The following GRIP2 variants were observed in gnomAD, a reference collection of about 807,000 sequenced individuals.
GRIP2 encodes the protein glutamate receptor-interacting protein 2.
GRIP2 carries 58 observed loss-of-function variants against 108.3 expected under a neutral mutation model. That is an observed-to-expected ratio of 0.54 (90% CI 0.43 to 0.67). The LOEUF is 0.67. Ranked by LOEUF, GRIP2 falls within the 30% of genes least tolerant of loss-of-function variation. The pLI, the probability that GRIP2 is intolerant of heterozygous loss-of-function variation, is 0.00. For missense variants in GRIP2, 1,278 were observed against 1,430.6 expected, an observed-to-expected ratio of 0.89 and a Z score of 1.72; for synonymous variants, 586 against 598.2, an observed-to-expected ratio of 0.98 and a Z score of 0.30.
intron 17 of GRIP2, among the ~76,000 whole-genome samples, chr3:14,509,278 G>T (rs1341488393): frequency 6.6e-6 from 1 of 152,216 alleles, no homozygotes; most frequent in African/African-American, 2.4e-5. Context: ...ATTCATCCCT[G>T]CCCAGCTCGG....
chr3:14,568,783 C>T, the GRIP2 span, among the ~76,000 whole-genome samples: 1 of 152,200 alleles, frequency 6.6e-6, no homozygotes, highest in African/African-American at 2.4e-5. Context: ...TGTATTCCAG[C>T]TTTCTGGACC....
the GRIP2 span, among the ~76,000 whole-genome samples, chr3:14,579,535 G>A: frequency 6.6e-6 from 1 of 152,154 alleles, no homozygotes; most frequent in Non-Finnish European, 1.5e-5. Context: ...TCACAGGTGG[G>A]AGGCATTGTG....
intron 5 of GRIP2, chr3:14,523,356 A>G: frequency 1.7e-6 from 1 of 575,042 alleles, no homozygotes; most frequent in Non-Finnish European, 3.1e-6. Context: ...AGGAAGCTCC[A>G]GACTTTGTTC....
chr3:14,523,389 C>T, intron 5 of GRIP2: 1 of 582,666 alleles, frequency 1.7e-6, no homozygotes, highest in South Asian at 2.2e-5. Flanking sequence ...GCAGCTTTCA[C>T]CATCATTTTC....
rs182171457 is a variant in GRIP2 at position 14,511,672 on chromosome 3, G to A, written c.1721-193C>T. Among the ~76,000 whole-genome samples the A allele has an allele frequency of 8.5e-5, 13 of 152,326 alleles. No homozygotes were observed. Among genetic ancestry groups the A allele is most frequent in the African/African-American group, 3.1e-4 (13 of 41,566 alleles). ...ATCAGTTTCCCCCCTGTAAAATGGG[G>A]GTGGCACCGCAGACCTCATGGGGAT... On this transcript the variant is annotated intron_variant, in intron 14 of 23. Transcript: ENST00000621039. The surrounding 1 kb of genome is among the most constrained non-coding windows in gnomAD (Gnocchi z 4.1).
chr3:14,549,881 T>A (rs1695116703), intron 1 of GRIP2, among the ~76,000 whole-genome samples: 1 of 152,166 alleles, frequency 6.6e-6, no homozygotes, highest in African/African-American at 2.4e-5. Context: ...GACGTGGTGA[T>A]CACCAGATTC....
rs892852659 is a variant in GRIP2 at position 14,505,163 on chromosome 3, C to G, written c.2573+452G>C. On this transcript the variant is annotated intron_variant, in intron 20 of 23. Coordinates refer to ENST00000621039, the MANE Select transcript of GRIP2 (RefSeq NM_001080423.4). This position sits in a 1 kb window ranked among gnomAD's most constrained non-coding sequence, Gnocchi z 4.2. ...ACCACGATGGGAGGGTGGCCTGGGC[C>G]AGATGAGGAACAGCATTTCTCCACA... 1.3e-5 allele frequency among the ~76,000 whole-genome samples: 2 copies of G among 152,148 alleles called. No homozygotes were observed. Among genetic ancestry groups the G allele is most frequent in the African/African-American group, 4.8e-5 (2 of 41,444 alleles).
chr3:14,510,467 G>A (rs1434347447), intron 16 of GRIP2, among the ~76,000 whole-genome samples: 1 of 151,942 alleles, frequency 6.6e-6, no homozygotes, highest in Non-Finnish European at 1.5e-5. Context: ...GTTTCGCCAT[G>A]TTGCCCAGGC....
chr3:14,534,580 C>T (rs1350939468), intron 1 of GRIP2, among the ~76,000 whole-genome samples: 1 of 151,978 alleles, frequency 6.6e-6, no homozygotes, highest in Non-Finnish European at 1.5e-5. Context: ...TGAGCTTTTG[C>T]CTTCAGTCAA....
At chr3:14,534,389 C>T (rs1439584109) in intron 1 of GRIP2, among the ~76,000 whole-genome samples, 1 of 152,184 alleles carries the variant, frequency 6.6e-6, no homozygotes, top group African/African-American at 2.4e-5. Context: ...AGAGAACATG[C>T]TTGCTCTCTC....
chr3:14,548,779 C>T (rs150918155), intron 1 of GRIP2, among the ~76,000 whole-genome samples: 292 of 152,262 alleles, frequency 1.9e-3, no homozygotes, highest in African/African-American at 6.9e-3. Context: ...AAACTGAGGT[C>T]GAGAGAGGGG....
At chr3:14,517,665 C>G in intron 10 of GRIP2, 107 bp downstream of exon 10, 1 of 1,414,382 alleles carries the variant, frequency 7.1e-7, no homozygotes, top group Non-Finnish European at 9.7e-7. Flanking sequence ...CCACACCCAG[C>G]TCACTAATCT....
At position 14,521,547 on chromosome 3, in the gene GRIP2, A is replaced by G; in HGVS notation, c.712+95T>C. 7.5e-7 allele frequency: 1 copy of G among 1,339,258 alleles called. No homozygotes were observed. The highest frequency in any genetic ancestry group is 1.0e-6 in the Non-Finnish European group (1 of 989,052). 83.0% of individuals were successfully genotyped at this position (1,339,258 alleles called of 1,614,324 possible). A position where few individuals can be genotyped will look rare whatever the true frequency, so the allele number is the denominator to read the frequency against. ...CTGGCCCAAGGTCATAAGGTCATGC[A>G]GCCTTTGCAGTGGTAAAGATCCATG... On this transcript the variant is annotated intron_variant, in intron 7 of 23. Transcript: ENST00000621039. This position sits in a 1 kb window ranked among gnomAD's most constrained non-coding sequence, Gnocchi z 5.1.
chr3:14,543,872 C>CG (rs1309606248), upstream of GRIP2, among the ~76,000 whole-genome samples: 2 of 152,340 alleles, frequency 1.3e-5, no homozygotes, highest in East Asian at 3.9e-4. Context: ...CCTGTGTGAT[C>CG]GGGGCACTTG....
At chr3:14,555,257 C>G (rs985707538) in intron 1 of GRIP2, among the ~76,000 whole-genome samples, 1 of 152,078 alleles carries the variant, frequency 6.6e-6, no homozygotes, top group South Asian at 2.1e-4. Context: ...TACAGCCCCT[C>G]GCTCCCTCCC....
the GRIP2 span, among the ~76,000 whole-genome samples, chr3:14,566,354 G>A: frequency 6.6e-6 from 1 of 152,212 alleles, no homozygotes; most frequent in South Asian, 2.1e-4. Context: ...CTGGGCGACA[G>A]CCCACAAGGG....
the GRIP2 span, among the ~76,000 whole-genome samples, chr3:14,587,198 T>G: frequency 6.6e-6 from 1 of 152,246 alleles, no homozygotes; most frequent in East Asian, 1.9e-4. Flanking sequence ...GGAGGTCCAC[T>G]GCATGGCAAT....
At chr3:14,586,811 G>A in the GRIP2 span, among the ~76,000 whole-genome samples, 1 of 152,118 alleles carries the variant, frequency 6.6e-6, no homozygotes, top group African/African-American at 2.4e-5. Context: ...TGGGGGAACA[G>A]GTAAATAAAC....
chr3:14,533,219 C>A (rs997423416), intron 1 of GRIP2, among the ~76,000 whole-genome samples: 76 of 152,278 alleles, frequency 5.0e-4, no homozygotes, highest in African/African-American at 1.7e-3. Context: ...CTAATAAAAT[C>A]AAAAAGACTG....
Sources: gnomAD v4.1 joint callset for allele counts (sites outside exome capture counted in the v4.1 genomes callset) on GRCh38, gnomAD v4.1.1 for gene constraint, Gnocchi (gnomAD v3.1) non-coding constraint, MANE v1.5 for transcripts, NCBI Gene and HGNC (gene_info 2026-07-23, HGNC 2026-07-21) for gene names.